OXR1: variants seen among roughly 807,000 people sequenced by gnomAD.
OXR1 encodes oxidation resistance protein 1.
A neutral mutation model predicts 104.6 loss-of-function variants in OXR1; 41 were observed. The observed-to-expected ratio is 0.39, with a 90% CI of 0.31 to 0.51. OXR1 has a LOEUF of 0.51. Among genes scored for constraint, OXR1 ranks in the 20% least tolerant of loss-of-function variants. OXR1 has a pLI of 0.77. For synonymous variants in OXR1, 348 were observed against 348.4 expected (o/e 1.00, Z 0.01); for missense variants, 955 against 1,031.9 (o/e 0.93, Z 1.02).
intron 1 of OXR1, among the ~76,000 whole-genome samples, chr8:106,303,719 G>A (rs1466874995): frequency 6.6e-6 from 1 of 152,112 alleles, no homozygotes; most frequent in Non-Finnish European, 1.5e-5. Context: ...CAATAAACTT[G>A]TTTTAATTAA....
At chr8:106,366,705 T>C (rs1816483197) in intron 2 of OXR1, among the ~76,000 whole-genome samples, 1 of 152,186 alleles carries the variant, frequency 6.6e-6, no homozygotes, top group African/African-American at 2.4e-5. Flanking sequence ...GGTAAGTTCA[T>C]GTTGAATGAA....
At chr8:106,392,134 A>G (rs1320990082) in intron 2 of OXR1, among the ~76,000 whole-genome samples, 1 of 152,232 alleles carries the variant, frequency 6.6e-6, no homozygotes, top group Non-Finnish European at 1.5e-5. Flanking sequence ...GTGAGACCTT[A>G]GGACTTACAA....
At chr8:106,308,181 T>C (rs1813544037) in intron 1 of OXR1, among the ~76,000 whole-genome samples, 2 of 152,268 alleles carry the variant, frequency 1.3e-5, no homozygotes, top group South Asian at 4.1e-4. Flanking sequence ...ATGGGGCTGA[T>C]GGTGTTAAGT....
chr8:106,747,329 A>G (rs28924694), intron 16 of OXR1, among the ~76,000 whole-genome samples: 23,828 of 152,196 alleles, frequency 0.16, 2,785 homozygotes, highest in African/African-American at 0.32. Context: ...ATCCTAGTAT[A>G]GTATCTGGCA....
intron 2 of OXR1, among the ~76,000 whole-genome samples, chr8:106,368,680 A>C (rs1816585689): frequency 6.6e-6 from 1 of 151,928 alleles, no homozygotes; most frequent in African/African-American, 2.4e-5. Flanking sequence ...GTGTTAGTTT[A>C]CTGAGGATGA....
chr8:106,615,192 G>T (rs1309592502), intron 3 of OXR1, among the ~76,000 whole-genome samples: 1 of 152,108 alleles, frequency 6.6e-6, no homozygotes, highest in African/African-American at 2.4e-5. Context: ...CACTTTGGGA[G>T]GCCGAGGCAG....
At chr8:106,726,059 T>G (rs376876409) in intron 11 of OXR1, 154 of 832,778 alleles carry the variant, frequency 1.8e-4, no homozygotes, top group African/African-American at 9.0e-5. Flanking sequence ...CTCAGGACTA[T>G]CATTGCTATG....
At chr8:106,473,996 A>G (rs1276438271) in intron 2 of OXR1, among the ~76,000 whole-genome samples, 2 of 139,196 alleles carry the variant, frequency 1.4e-5, no homozygotes, top group East Asian at 2.1e-4. Flanking sequence ...TATATAATAT[A>G]TGTATTGTAT....
intron 2 of OXR1, among the ~76,000 whole-genome samples, chr8:106,384,664 A>G (rs553427124): frequency 1.3e-5 from 2 of 151,802 alleles, no homozygotes; most frequent in East Asian, 1.9e-4. Context: ...CCAGTTATCT[A>G]GGTACTAAGG....
intron 2 of OXR1, among the ~76,000 whole-genome samples, chr8:106,428,360 T>C (rs1269530319): frequency 1.3e-5 from 2 of 152,190 alleles, no homozygotes; most frequent in East Asian, 1.9e-4. Flanking sequence ...CTGTGTTTTT[T>C]CCAAAAAGAC....
intron 2 of OXR1, among the ~76,000 whole-genome samples, chr8:106,516,817 A>G (rs187542897): frequency 6.6e-6 from 1 of 152,234 alleles, no homozygotes; most frequent in East Asian, 1.9e-4. Context: ...TGTAACTTTT[A>G]TTACAGTATA....
At chr8:106,398,060 G>A (rs1817852730) in intron 2 of OXR1, among the ~76,000 whole-genome samples, 1 of 152,034 alleles carries the variant, frequency 6.6e-6, no homozygotes, top group Non-Finnish European at 1.5e-5. Context: ...GTGTGTGTGT[G>A]TCTGTGTCCA....
intron 6 of OXR1, among the ~76,000 whole-genome samples, chr8:106,684,663 A>G (rs891767795): frequency 6.6e-6 from 1 of 152,186 alleles, no homozygotes; most frequent in African/African-American, 2.4e-5. Flanking sequence ...TGACATTATC[A>G]CAGTAGAGGA....
chr8:106,659,460 CT>C (rs1415821718), intron 3 of OXR1, among the ~76,000 whole-genome samples: 4 of 152,164 alleles, frequency 2.6e-5, no homozygotes, highest in African/African-American at 9.7e-5. Context: ...GAGGGGAATA[CT>C]TTTGTTTCTG....
chr8:106,307,259 T>C (rs1209405991), intron 1 of OXR1, among the ~76,000 whole-genome samples: 1 of 152,194 alleles, frequency 6.6e-6, no homozygotes, highest in Non-Finnish European at 1.5e-5. Context: ...GGATCAAATA[T>C]GTTACTGTGT....
chr8:106,709,957 T>C (rs1189769620), intron 9 of OXR1, among the ~76,000 whole-genome samples: 1 of 152,116 alleles, frequency 6.6e-6, no homozygotes, highest in Non-Finnish European at 1.5e-5. Flanking sequence ...CCAGGTCTCC[T>C]GACTATAAGT....
Position 106,703,106 on chromosome 8 carries a change from A to G in OXR1, c.860+16A>G. The G allele has an allele frequency of 6.4e-7, 1 of 1,561,068 alleles. No homozygotes were observed. Among genetic ancestry groups the G allele is most frequent in the Non-Finnish European group, 8.8e-7 (1 of 1,136,184 alleles). On this transcript the variant is annotated intron_variant, in intron 8 of 16. Transcript: ENST00000517566. ...CTTTACCCATGTAAGAGTGATATTT[A>G]TATTCCTTTGCAACTTTATTGTATC... is the stretch of plus-strand genomic sequence containing the variant.
In OXR1 at chr8:106,705,427, C is replaced by T. The variant is rs537096470; in HGVS notation, c.861-955C>T. Among the ~76,000 whole-genome samples, 17 of 152,156 alleles carry T rather than the reference C, an allele frequency of 1.1e-4. No homozygotes were observed. In the South Asian group the frequency reaches 2.7e-3, roughly 24 times the overall value. ...AGAAAAATTGGAAAATACTGAAAAG[C>T]GGAACAAGACAAAGAGTTACCCAGC... On this transcript the variant is annotated intron_variant, in intron 8 of 16. Transcript: ENST00000517566.
intron 1 of OXR1, among the ~76,000 whole-genome samples, chr8:106,341,666 G>A (rs2130269384): frequency 6.6e-6 from 1 of 152,144 alleles, no homozygotes; most frequent in African/African-American, 2.4e-5. Flanking sequence ...CCACCTGACT[G>A]CTAACCAAAT....
Sources: allele counts gnomAD v4.1 joint callset (sites outside exome capture counted in the v4.1 genomes callset), GRCh38; gene constraint gnomAD v4.1.1; transcripts MANE v1.5; gene names NCBI Gene and HGNC (gene_info 2026-07-23, HGNC 2026-07-21).